The following PREX1 variants were observed in gnomAD, a reference collection of about 807,000 sequenced individuals.
PREX1 encodes phosphatidylinositol-3,4,5-trisphosphate dependent Rac exchange factor 1, also known as phosphatidylinositol 3,4,5-trisphosphate-dependent Rac exchanger 1 protein.
A neutral mutation model predicts 198.3 loss-of-function variants in PREX1; 41 were observed. The observed-to-expected ratio is 0.21, with a 90% confidence interval of 0.16 to 0.27. PREX1 has a LOEUF of 0.27. PREX1 is among the 10% of genes least tolerant of loss of function. The pLI, the probability that PREX1 is intolerant of heterozygous loss-of-function variation, is 1.00. For missense variants in PREX1, 1,620 were observed against 2,200.7 expected (o/e 0.74, Z 5.28); for synonymous variants, 843 against 887.2 (o/e 0.95, Z 0.89).
chr20:48,685,162 T>C (rs899350637), intron 10 of PREX1, among the ~76,000 whole-genome samples: 1 of 152,196 alleles, frequency 6.6e-6, no homozygotes, highest in African/African-American at 2.4e-5. Context: ...ACTTCATCTG[T>C]CCTATTCCCG....
At chr20:48,738,381 G>A (rs2090066188) in intron 3 of PREX1, among the ~76,000 whole-genome samples, 1 of 152,212 alleles carries the variant, frequency 6.6e-6, no homozygotes. Context: ...CCTGTGGGAA[G>A]GGCAGGGGCC....
At chr20:48,661,273 G>C (rs957225145) in intron 15 of PREX1, among the ~76,000 whole-genome samples, 22 of 150,906 alleles carry the variant, frequency 1.5e-4, no homozygotes, top group Admixed American at 1.1e-3. Flanking sequence ...TACAAAATTA[G>C]CTGGGCATGG....
chr20:48,865,455 T>C, the PREX1 span, among the ~76,000 whole-genome samples: 37 of 152,188 alleles, frequency 2.4e-4, no homozygotes, highest in Non-Finnish European at 4.9e-4. Context: ...TCTCCATGTA[T>C]TGCAATTGAG....
At chr20:48,713,914 A>T (rs1000369469) in intron 5 of PREX1, among the ~76,000 whole-genome samples, 5 of 152,182 alleles carry the variant, frequency 3.3e-5, no homozygotes, top group Non-Finnish European at 7.3e-5. Flanking sequence ...ATCAAAAAAA[A>T]TTGAGAGTCC....
chr20:48,651,420 G>T lies in PREX1; in HGVS notation c.2631C>A (p.Arg877=), dbSNP rs143006779. ...CCTTGGCGGTGAGGCCGAAGCAGCC[G>T]CGGGGCTCCACGATCTTCTCCAGCA... is the stretch of plus-strand genomic sequence containing the variant. ...CHVLEKIVEP[R]GCFGLTAKIL... The change falls in exon 22 of 40, where the codon CGC becomes CGA. Residue 877 remains arginine (R), a synonymous_variant. Coordinates refer to ENST00000371941, the MANE Select transcript of PREX1 (RefSeq NM_020820.4). 3 of 1,610,222 alleles carry T rather than the reference G, an allele frequency of 1.9e-6. No individual in the cohort carries two copies. In the South Asian group the frequency reaches 3.3e-5, roughly 18 times the overall value.
At chr20:48,751,354 G>A (rs1172665640) in intron 1 of PREX1, among the ~76,000 whole-genome samples, 1 of 152,190 alleles carries the variant, frequency 6.6e-6, no homozygotes, top group East Asian at 1.9e-4. Context: ...TGGGAGTGCC[G>A]CACTCCGCTG....
intron 32 of PREX1, 46 bp from the exon 33 acceptor site, chr20:48,634,821 C>A: frequency 6.5e-7 from 1 of 1,527,400 alleles, no homozygotes; most frequent in South Asian, 1.1e-5. Flanking sequence ...GCCAACCCTG[C>A]CCCAGGGTTT....
chr20:48,629,658 G>A (rs2089298782), intron 36 of PREX1, 37 bp from the exon 37 acceptor site: 1 of 1,601,832 alleles, frequency 6.2e-7, no homozygotes, highest in Admixed American at 1.7e-5. Flanking sequence ...GGAGTTGGAG[G>A]AGGTCCTCAC....
chr20:48,686,575 G>C (rs750125309), intron 10 of PREX1, among the ~76,000 whole-genome samples: 2 of 152,296 alleles, frequency 1.3e-5, no homozygotes, highest in Middle Eastern at 3.4e-3. Flanking sequence ...CAGGGGGCCC[G>C]GAAGCAGGCC....
intron 15 of PREX1, among the ~76,000 whole-genome samples, chr20:48,662,717 G>A (rs1427968408): frequency 2.6e-5 from 4 of 152,184 alleles, no homozygotes; most frequent in African/African-American, 9.7e-5. Context: ...ACCTCACCCT[G>A]TATTTTGCTG....
chr20:48,634,541 T>G (rs2089346024), intron 33 of PREX1, 135 bp downstream of exon 33: 1 of 729,638 alleles, frequency 1.4e-6, no homozygotes, highest in Non-Finnish European at 2.2e-6. Flanking sequence ...GGCATGAGGT[T>G]TGACAGCACT....
At position 48,700,795 on chromosome 20, in the gene PREX1, A is replaced by G. The variant is rs1318709309; in HGVS notation, c.875T>C (p.Phe292Ser). The G allele has an allele frequency of 6.2e-7, 1 of 1,613,812 alleles. No individual in the cohort carries two copies. Among genetic ancestry groups the G allele is most frequent in the Non-Finnish European group, 8.5e-7 (1 of 1,180,032 alleles). The change falls in exon 7 of 40, where the codon TTC becomes TCC. Residue 292 changes from phenylalanine to serine, a missense_variant. This residue lies in a region of PREX1 where 488 missense variants were observed against 802.5 expected (regional missense o/e 0.61). Coordinates refer to ENST00000371941, the MANE Select transcript of PREX1 (RefSeq NM_020820.4). ...GTAGACGAGAAGGTTGTCGAAGAGG[A>G]AGAAGGCCCTTTCCTGGATGTTGCC... ...SAGNIQERAFFLFDNLLVYCK... is the reference protein window; with the variant it reads ...SAGNIQERAFSLFDNLLVYCK...
chr20:48,700,721 C>CCAGA (rs1452843493), intron 7 of PREX1, 32 bp downstream of exon 7: 1 of 1,611,368 alleles, frequency 6.2e-7, no homozygotes, highest in Non-Finnish European at 8.5e-7. Context: ...AGGCAGCAGG[C>CCAGA]CAGACCCCAT....
At chr20:48,878,521 A>T in the PREX1 span, among the ~76,000 whole-genome samples, 1 of 151,958 alleles carries the variant, frequency 6.6e-6, no homozygotes, top group African/African-American at 2.4e-5. Context: ...TTGTATTTTT[A>T]GTAGTGATGG....
chr20:48,652,416 G>C (rs1384055936), intron 21 of PREX1, among the ~76,000 whole-genome samples, 170 bp downstream of exon 21: 1 of 152,008 alleles, frequency 6.6e-6, no homozygotes, highest in East Asian at 1.9e-4. Context: ...CTCCAGCCTG[G>C]GTGACAGAGC....
intron 30 of PREX1, 83 bp from the exon 31 acceptor site, chr20:48,637,835 G>A (rs2089377288): frequency 1.6e-6 from 2 of 1,276,594 alleles, no homozygotes; most frequent in Admixed American, 2.0e-5. Flanking sequence ...CCCTCCCCAT[G>A]GCACCTCCCA....
chr20:48,841,177 C>T, the PREX1 span, among the ~76,000 whole-genome samples: 1 of 152,196 alleles, frequency 6.6e-6, no homozygotes, highest in Non-Finnish European at 1.5e-5. Context: ...ACGCCTCAGC[C>T]TCCCCAAGGG....
intron 1 of PREX1, among the ~76,000 whole-genome samples, chr20:48,762,806 G>A (rs560401792): frequency 2.0e-5 from 3 of 151,434 alleles, no homozygotes; most frequent in East Asian, 1.9e-4. Flanking sequence ...GGGTTCAAGC[G>A]ATTCTTCTGC....
At chr20:48,743,697 C>T (rs939706839) in intron 3 of PREX1, among the ~76,000 whole-genome samples, 1 of 152,244 alleles carries the variant, frequency 6.6e-6, no homozygotes, top group African/African-American at 2.4e-5. Context: ...TCACAATGTC[C>T]TGGATTTATC....
Sources: gnomAD v4.1 joint callset for allele counts (sites outside exome capture counted in the v4.1 genomes callset) on GRCh38, gnomAD v4.1.1 for gene constraint, gnomAD v4.1.1 regional missense constraint, MANE v1.5 for transcripts, NCBI Gene and HGNC (gene_info 2026-07-23, HGNC 2026-07-21) for gene names.